SGCZ: variants seen among roughly 807,000 people sequenced by gnomAD.
The protein encoded by SGCZ is zeta-sarcoglycan.
SGCZ carries 40 observed loss-of-function variants against 41.3 expected under a neutral mutation model. The observed-to-expected ratio is 0.97, with a 90% confidence interval of 0.75 to 1.26. SGCZ has a LOEUF of 1.26. SGCZ is among the 50% of genes most tolerant of loss of function. SGCZ has a pLI of 0.00. For synonymous variants in SGCZ, 206 were observed against 137.5 expected (o/e 1.50, Z -3.49); for missense variants, 552 against 369.8 (o/e 1.49, Z -4.04).
chr8:14,772,860 C>G (rs1001246236), intron 1 of SGCZ, among the ~76,000 whole-genome samples: 1 of 151,914 alleles, frequency 6.6e-6, no homozygotes, highest in Non-Finnish European at 1.5e-5. Flanking sequence ...CAAGTCTTTG[C>G]TGTTGTGAAT....
chr8:14,630,527 C>T (rs900990410), intron 1 of SGCZ, among the ~76,000 whole-genome samples: 1 of 151,888 alleles, frequency 6.6e-6, no homozygotes, highest in Non-Finnish European at 1.5e-5. Flanking sequence ...ACTGGGTATA[C>T]ACCCAAAGGA....
At chr8:14,953,860 A>C (rs762590460) in intron 1 of SGCZ, among the ~76,000 whole-genome samples, 4 of 152,224 alleles carry the variant, frequency 2.6e-5, no homozygotes, top group Non-Finnish European at 5.9e-5. Context: ...TAATTCTTGT[A>C]AACACTCAAG....
chr8:15,074,639 T>C (rs1308605202), intron 1 of SGCZ, among the ~76,000 whole-genome samples: 1 of 152,096 alleles, frequency 6.6e-6, no homozygotes, highest in Non-Finnish European at 1.5e-5. Flanking sequence ...CCATGAAAAT[T>C]TACCTGTCGT....
At position 15,103,875 on chromosome 8, in the gene SGCZ, C is replaced by T. The variant is rs915260511; in HGVS notation, c.39+133710G>A. 6.6e-5 allele frequency among the ~76,000 whole-genome samples: 10 copies of T among 152,094 alleles called. No homozygotes were observed. The South Asian group carries it at 1.0e-3, about 16-fold the overall frequency. On this transcript the variant is annotated intron_variant, in intron 1 of 7. Transcript: ENST00000382080. ...ATTGGGCATGCAAAGCATACAAATACGAAGCAAATAGAAAAAGTGTCAAAG... is the reference window on the plus strand; with the variant it reads ...ATTGGGCATGCAAAGCATACAAATATGAAGCAAATAGAAAAAGTGTCAAAG...
intron 2 of SGCZ, among the ~76,000 whole-genome samples, chr8:14,442,824 A>T (rs538423662): frequency 6.6e-6 from 1 of 152,286 alleles, no homozygotes; most frequent in East Asian, 1.9e-4. Context: ...TATTTTTTGT[A>T]TCATTATCTT....
chr8:14,548,525 A>T (rs1355559817), intron 2 of SGCZ, among the ~76,000 whole-genome samples: 1 of 152,108 alleles, frequency 6.6e-6, no homozygotes. Flanking sequence ...GAGGTTCTGA[A>T]TTTTAAAAAT....
intron 2 of SGCZ, among the ~76,000 whole-genome samples, chr8:14,499,148 A>G (rs751743625): frequency 6.6e-6 from 1 of 151,856 alleles, no homozygotes; most frequent in Non-Finnish European, 1.5e-5. Context: ...AGTTTCTAAG[A>G]ATTTGTGTGA....
chr8:14,634,548 A>T (rs538800120), intron 1 of SGCZ, among the ~76,000 whole-genome samples: 1 of 152,002 alleles, frequency 6.6e-6, no homozygotes, highest in East Asian at 1.9e-4. Flanking sequence ...CTTTTAAATA[A>T]ATCAGATTGA....
At chr8:14,764,915 T>A (rs552660464) in intron 1 of SGCZ, among the ~76,000 whole-genome samples, 9 of 152,334 alleles carry the variant, frequency 5.9e-5, no homozygotes, top group African/African-American at 2.2e-4. Context: ...TTTTAAATGG[T>A]TGAACAACAG....
intron 1 of SGCZ, among the ~76,000 whole-genome samples, chr8:14,881,511 T>A (rs924491931): frequency 1.3e-5 from 2 of 152,082 alleles, no homozygotes; most frequent in African/African-American, 2.4e-5. Flanking sequence ...ACAGCAATGA[T>A]TCAGGCCCAC....
At chr8:14,414,512 A>T (rs931674631) in intron 2 of SGCZ, among the ~76,000 whole-genome samples, 2 of 151,898 alleles carry the variant, frequency 1.3e-5, no homozygotes, top group African/African-American at 2.4e-5. Flanking sequence ...ATTTAGGCAA[A>T]TTAAAAGACC....
intron 2 of SGCZ, among the ~76,000 whole-genome samples, chr8:14,553,737 G>C (rs1156505294): frequency 6.6e-6 from 1 of 152,056 alleles, no homozygotes; most frequent in Non-Finnish European, 1.5e-5. Context: ...GTCAGAAAGA[G>C]ACGATTCTTG....
chr8:15,075,142 T>C (rs1489839663), intron 1 of SGCZ, among the ~76,000 whole-genome samples: 9 of 146,220 alleles, frequency 6.2e-5, no homozygotes, highest in Non-Finnish European at 1.4e-4. Flanking sequence ...TCTTTCTTTA[T>C]ATATCTCATC....
intron 1 of SGCZ, among the ~76,000 whole-genome samples, chr8:15,197,644 A>G (rs1800771656): frequency 6.6e-6 from 1 of 152,160 alleles, no homozygotes; most frequent in Non-Finnish European, 1.5e-5. Context: ...CACCAAAATC[A>G]CAACAGAGCT....
chr8:14,765,183 C>A (rs889121336), intron 1 of SGCZ, among the ~76,000 whole-genome samples: 2 of 152,112 alleles, frequency 1.3e-5, no homozygotes, highest in Non-Finnish European at 2.9e-5. Flanking sequence ...ATTTTAAAGA[C>A]CTGGACTTGA....
chr8:14,629,250 C>T (rs1806565303), intron 1 of SGCZ, among the ~76,000 whole-genome samples: 2 of 152,116 alleles, frequency 1.3e-5, no homozygotes, highest in East Asian at 1.9e-4. Flanking sequence ...AAGTTTACTT[C>T]GTGTGATTTG....
At chr8:14,790,634 G>C (rs1563271308) in intron 1 of SGCZ, among the ~76,000 whole-genome samples, 1 of 152,100 alleles carries the variant, frequency 6.6e-6, no homozygotes, top group South Asian at 2.1e-4. Flanking sequence ...ATAATACGGA[G>C]ATAGTTAAGT....
At chr8:14,590,069 A>C (rs930265566) in intron 1 of SGCZ, among the ~76,000 whole-genome samples, 1 of 151,996 alleles carries the variant, frequency 6.6e-6, no homozygotes, top group African/African-American at 2.4e-5. Flanking sequence ...TACAGTAGTA[A>C]GAATTGACTT....
intron 1 of SGCZ, among the ~76,000 whole-genome samples, chr8:14,679,585 TTAAG>T (rs1167289692): frequency 6.8e-4 from 104 of 151,838 alleles, no homozygotes; most frequent in African/African-American, 2.4e-3. Flanking sequence ...GTTTTGTGCT[TTAAG>T]TGTTATTACA....
Sources: allele counts gnomAD v4.1 joint callset (sites outside exome capture counted in the v4.1 genomes callset), GRCh38; gene constraint gnomAD v4.1.1; transcripts MANE v1.5; gene names NCBI Gene and HGNC (gene_info 2026-07-23, HGNC 2026-07-21).